The following PXDNL variants were observed in gnomAD, a reference collection of about 807,000 sequenced individuals.
The protein encoded by PXDNL is probable oxidoreductase PXDNL.
In PXDNL, 145 loss-of-function variants were observed where a neutral mutation model predicts 150.8. The observed-to-expected ratio is 0.96, with a 90% confidence interval of 0.84 to 1.10. The LOEUF is 1.10. PXDNL is among the 50% of genes least tolerant of loss of function. The pLI is 0.00. For missense variants in PXDNL, 2,087 were observed against 1,873.9 expected (o/e 1.11, Z -2.10); for synonymous variants, 757 against 725.7 (o/e 1.04, Z -0.69).
At chr8:51,461,320 G>A (rs1027752065) in intron 8 of PXDNL, among the ~76,000 whole-genome samples, 2 of 152,222 alleles carry the variant, frequency 1.3e-5, no homozygotes, top group African/African-American at 4.8e-5. Context: ...GCTAGTATGG[G>A]AAGGGTGTGA....
chr8:51,667,148 A>G (rs1013350718), intron 1 of PXDNL, among the ~76,000 whole-genome samples: 2 of 152,128 alleles, frequency 1.3e-5, no homozygotes, highest in African/African-American at 4.8e-5. Context: ...CTGCTCAATC[A>G]TGATCTCTTC....
chr8:51,806,068 G>A (rs2037672186), intron 1 of PXDNL, among the ~76,000 whole-genome samples: 1 of 152,132 alleles, frequency 6.6e-6, no homozygotes, highest in East Asian at 1.9e-4. Context: ...TATTAGTTTA[G>A]AAACACAATA....
intron 5 of PXDNL, among the ~76,000 whole-genome samples, chr8:51,496,843 G>A (rs1369913435): frequency 6.6e-6 from 1 of 152,196 alleles, no homozygotes. Context: ...TCAATGTCAT[G>A]AAAATGGCCA....
At chr8:51,657,872 A>G (rs1448708108) in intron 1 of PXDNL, among the ~76,000 whole-genome samples, 1 of 152,192 alleles carries the variant, frequency 6.6e-6, no homozygotes, top group African/African-American at 2.4e-5. Flanking sequence ...TTTCTCCACA[A>G]GTAAGCAGAC....
rs182522009 is a variant in PXDNL, at chr8:51,571,480, T to C, written c.309-14569A>G. ...ATGTATTTACACTGATGATGTCATT[T>C]TGAGAGAGATTGTGCCCAACTGTAA... On this transcript the variant is annotated intron_variant, in intron 3 of 22. Transcript: ENST00000356297. Among the ~76,000 whole-genome samples the C allele has an allele frequency of 5.9e-5, 9 of 151,964 alleles. No homozygotes were observed. In the East Asian group the frequency reaches 1.4e-3, roughly 23 times the overall value.
chr8:51,439,172 T>C (rs1308579850), intron 12 of PXDNL, among the ~76,000 whole-genome samples: 1 of 149,566 alleles, frequency 6.7e-6, no homozygotes, highest in Non-Finnish European at 1.5e-5. Context: ...TTGCAATCTA[T>C]GCATCCAGTG....
intron 2 of PXDNL, among the ~76,000 whole-genome samples, chr8:51,643,751 C>T (rs1296494688): frequency 6.6e-6 from 1 of 152,188 alleles, no homozygotes; most frequent in Non-Finnish European, 1.5e-5. Flanking sequence ...TCAGAGTGAA[C>T]AGGCAACCTA....
intron 1 of PXDNL, among the ~76,000 whole-genome samples, chr8:51,677,311 AT>A: frequency 6.6e-6 from 1 of 152,346 alleles, no homozygotes; most frequent in Non-Finnish European, 1.5e-5. Context: ...TACGTTTCCT[AT>A]AATCAGCCAA....
At chr8:51,748,499 C>T (rs970216045) in intron 1 of PXDNL, among the ~76,000 whole-genome samples, 4 of 152,176 alleles carry the variant, frequency 2.6e-5, no homozygotes, top group East Asian at 1.9e-4. Context: ...CTGGATGCCA[C>T]TGCATTCCGA....
intron 1 of PXDNL, among the ~76,000 whole-genome samples, chr8:51,729,102 A>G (rs1816871869): frequency 1.3e-5 from 2 of 152,206 alleles, no homozygotes; most frequent in Admixed American, 1.3e-4. Context: ...TGAGAGCACA[A>G]TGACAGAATC....
chr8:51,514,626 ATCAGT>A (rs1811496821), intron 4 of PXDNL, among the ~76,000 whole-genome samples: 1 of 152,200 alleles, frequency 6.6e-6, no homozygotes, highest in South Asian at 2.1e-4. Flanking sequence ...CAGAATATAA[ATCAGT>A]TGGTGCTCCT....
At chr8:51,709,345 C>T (rs1403958959) in intron 1 of PXDNL, among the ~76,000 whole-genome samples, 2 of 152,122 alleles carry the variant, frequency 1.3e-5, no homozygotes, top group East Asian at 3.9e-4. Context: ...AGCTCCGCCT[C>T]CCGGGTTCAC....
chr8:51,542,598 C>T (rs1812243756), intron 4 of PXDNL, among the ~76,000 whole-genome samples: 2 of 151,558 alleles, frequency 1.3e-5, no homozygotes, highest in Admixed American at 1.3e-4. Context: ...CACATGAGGT[C>T]AGCAGTTTGA....
At chr8:51,458,442 T>C (rs1005723171) in intron 8 of PXDNL, among the ~76,000 whole-genome samples, 14 of 152,244 alleles carry the variant, frequency 9.2e-5, no homozygotes, top group African/African-American at 2.9e-4. Context: ...CCTTTAAAAA[T>C]ATTTAATGAT....
intron 5 of PXDNL, among the ~76,000 whole-genome samples, chr8:51,496,767 T>G (rs1811061834): frequency 6.6e-6 from 1 of 152,100 alleles, no homozygotes; most frequent in African/African-American, 2.4e-5. Context: ...TACAAACCAC[T>G]GCTCAATGAA....
At chr8:51,507,158 G>C (rs530458622) in intron 4 of PXDNL, among the ~76,000 whole-genome samples, 4 of 152,170 alleles carry the variant, frequency 2.6e-5, no homozygotes, top group African/African-American at 9.6e-5. Flanking sequence ...CAAATACAAG[G>C]AATCAATGAC....
chr8:51,503,150 C>G (rs1488805333), intron 4 of PXDNL, among the ~76,000 whole-genome samples: 1 of 152,086 alleles, frequency 6.6e-6, no homozygotes, highest in African/African-American at 2.4e-5. Context: ...GAATAAATCA[C>G]TGCAATCTTA....
intron 4 of PXDNL, among the ~76,000 whole-genome samples, chr8:51,524,694 G>A (rs926918327): frequency 6.6e-6 from 1 of 151,946 alleles, no homozygotes; most frequent in Non-Finnish European, 1.5e-5. Context: ...TCTTTCAAAA[G>A]GTATCTTTTG....
chr8:51,658,344 G>GAAAAAAAAAA (rs34771782), intron 1 of PXDNL, among the ~76,000 whole-genome samples: 477 of 93,984 alleles, frequency 5.1e-3, no homozygotes, highest in Non-Finnish European at 6.4e-3. Flanking sequence ...CCTGTCTCAA[G>GAAAAAAAAAA]AAAAAAAAAA....
Sources: allele counts gnomAD v4.1 joint callset (sites outside exome capture counted in the v4.1 genomes callset), GRCh38; gene constraint gnomAD v4.1.1; transcripts MANE v1.5; gene names NCBI Gene and HGNC (gene_info 2026-07-23, HGNC 2026-07-21).